Variants in CRYBG1 observed in about 807,000 individuals in gnomAD.
CRYBG1 encodes beta/gamma crystallin domain-containing protein 1.
In CRYBG1, 139 loss-of-function variants were observed where a neutral mutation model predicts 189.2. The ratio of observed to expected loss-of-function variants is 0.73; its 90% CI spans 0.64 to 0.85. The LOEUF (loss-of-function observed/expected upper bound fraction) is 0.85. Among genes scored for constraint, CRYBG1 ranks in the 40% least tolerant of loss-of-function variants. The probability of loss-of-function intolerance (pLI) is 0.00; values close to 1 mark genes in which losing one functional copy is unlikely to be tolerated. For synonymous variants in CRYBG1, 1,023 were observed against 1,017.1 expected (o/e 1.01, Z -0.11); for missense variants, 2,611 against 2,675.8 (o/e 0.98, Z 0.53).
intron 2 of CRYBG1, among the ~76,000 whole-genome samples, chr6:106,459,838 C>T (rs78805633): frequency 0.011 from 1,639 of 152,136 alleles, 26 homozygotes; most frequent in African/African-American, 0.037. Context: ...GTAATAGATA[C>T]TATCAAATTG....
intron 1 of CRYBG1, among the ~76,000 whole-genome samples, chr6:106,414,254 C>G (rs911978257): frequency 1.3e-5 from 2 of 152,238 alleles, no homozygotes; most frequent in South Asian, 4.1e-4. Flanking sequence ...CTGGAGAACT[C>G]CTCTGATGCT....
At position 106,399,290 on chromosome 6, in the gene CRYBG1, T is replaced by C. The variant is rs12662570; in HGVS notation, c.173+38209T>C. ...GTATAGTCAGTTTTTTCAAATTGCATAAAATAAATTTCAACTTTCCACCCT... is the reference window on the plus strand; with the variant it reads ...GTATAGTCAGTTTTTTCAAATTGCACAAAATAAATTTCAACTTTCCACCCT... On this transcript the variant is annotated intron_variant, in intron 1 of 21. Coordinates refer to ENST00000633556, the MANE Select transcript of CRYBG1 (RefSeq NM_001371242.2). Among the ~76,000 whole-genome samples the C allele has an allele frequency of 9.8e-4, 149 of 152,344 alleles. 2 individuals carry two copies. The East Asian group carries it at 0.025, about 25-fold the overall frequency.
chr6:106,385,066 G>A (rs150379113), intron 1 of CRYBG1, among the ~76,000 whole-genome samples: 423 of 152,244 alleles, frequency 2.8e-3, no homozygotes, highest in South Asian at 4.1e-3. Context: ...GGTTGAATAT[G>A]TCACACAAGT....
intron 1 of CRYBG1, among the ~76,000 whole-genome samples, chr6:106,384,959 C>T (rs990431110): frequency 2.0e-5 from 3 of 151,748 alleles, no homozygotes; most frequent in Non-Finnish European, 4.4e-5. Context: ...TCATCACTCC[C>T]ATAATTCCAG....
At chr6:106,549,262 C>G (rs756519095) in intron 13 of CRYBG1, among the ~76,000 whole-genome samples, 10 of 152,274 alleles carry the variant, frequency 6.6e-5, no homozygotes, top group Admixed American at 5.9e-4. Context: ...GCAGCACATG[C>G]GGGTACCCGT....
chr6:106,396,384 T>A (rs193289102), intron 1 of CRYBG1, among the ~76,000 whole-genome samples: 117 of 152,316 alleles, frequency 7.7e-4, no homozygotes, highest in Non-Finnish European at 1.3e-3. Context: ...ATAAACATCA[T>A]GAATTACAGT....
In CRYBG1 at chr6:106,520,534, C is replaced by A; in HGVS notation, c.3326C>A (p.Thr1109Asn). Residue 1109 changes from threonine (T) to asparagine (N), a missense_variant, in exon 4 of 22, where the codon ACT (threonine) becomes AAT (asparagine). By Grantham distance (65) the Thr-to-Asn change is moderately conservative. Around this residue, in one of 3 missense-constraint regions of CRYBG1, gnomAD observed 1,622 missense variants for 1,735.0 expected, o/e 0.93. Coordinates refer to ENST00000633556, the MANE Select transcript of CRYBG1 (RefSeq NM_001371242.2). ...TCTTCTTCTGATATGGAAAAATTCACTGAAATTATAAAACAGATGGATAGC... is the reference window on the plus strand; with the variant it reads ...TCTTCTTCTGATATGGAAAAATTCAATGAAATTATAAAACAGATGGATAGC... ...FDSSSDMEKFTEIIKQMDSAV... is the reference protein window; with the variant it reads ...FDSSSDMEKFNEIIKQMDSAV... 6.2e-7 allele frequency: 1 copy of A among 1,614,122 alleles called. No individual in the cohort carries two copies. Among genetic ancestry groups the A allele is most frequent in the South Asian group, 1.1e-5 (1 of 91,086 alleles).
intron 1 of CRYBG1, among the ~76,000 whole-genome samples, chr6:106,399,679 C>T (rs1417780766): frequency 7.3e-6 from 1 of 137,048 alleles, no homozygotes; most frequent in Non-Finnish European, 1.5e-5. Context: ...TTTCTTGAGA[C>T]AGGGTCTCAC....
At chr6:106,375,157 G>A (rs1233614913) in intron 1 of CRYBG1, among the ~76,000 whole-genome samples, 1 of 151,772 alleles carries the variant, frequency 6.6e-6, no homozygotes, top group East Asian at 1.9e-4. Context: ...GCTGAGGCAG[G>A]AGGATCACTT....
At chr6:106,406,436 C>A (rs80206105) in intron 1 of CRYBG1, among the ~76,000 whole-genome samples, 5 of 152,274 alleles carry the variant, frequency 3.3e-5, no homozygotes, top group Admixed American at 6.5e-5. Flanking sequence ...GAGAATGGAA[C>A]CAAGTTGGAA....
At chr6:106,392,860 C>T (rs1359340912) in intron 1 of CRYBG1, among the ~76,000 whole-genome samples, 6 of 152,008 alleles carry the variant, frequency 3.9e-5, no homozygotes, top group African/African-American at 1.2e-4. Flanking sequence ...CTGCAACCTC[C>T]GCCTTCTGGG....
intron 21 of CRYBG1, among the ~76,000 whole-genome samples, chr6:106,565,830 G>T (rs1018718168): frequency 6.6e-6 from 1 of 152,146 alleles, no homozygotes; most frequent in East Asian, 1.9e-4. Context: ...TAAGAATTAT[G>T]CAGATCTTTG....
At chr6:106,418,772 A>G (rs1771073315) in intron 1 of CRYBG1, among the ~76,000 whole-genome samples, 2 of 152,246 alleles carry the variant, frequency 1.3e-5, no homozygotes, top group Non-Finnish European at 2.9e-5. Context: ...ACATGGACAC[A>G]CATGTGGAAT....
chr6:106,386,281 A>G (rs1770388155), intron 1 of CRYBG1, among the ~76,000 whole-genome samples: 1 of 152,114 alleles, frequency 6.6e-6, no homozygotes, highest in African/African-American at 2.4e-5. Flanking sequence ...CTCCAGTGAC[A>G]TTTGTTTTTT....
At chr6:106,545,993 T>C (rs1221786051) in intron 13 of CRYBG1, among the ~76,000 whole-genome samples, 1 of 152,230 alleles carries the variant, frequency 6.6e-6, no homozygotes, top group African/African-American at 2.4e-5. Flanking sequence ...GCTCATTTCT[T>C]GCAGTGGAAA....
intron 1 of CRYBG1, among the ~76,000 whole-genome samples, chr6:106,408,237 A>G (rs1438068945): frequency 6.6e-5 from 10 of 152,256 alleles, no homozygotes; most frequent in Admixed American, 6.5e-4. Flanking sequence ...AGAGAATATT[A>G]GAAACACTGC....
intron 1 of CRYBG1, among the ~76,000 whole-genome samples, chr6:106,366,991 C>A (rs1772012803): frequency 6.6e-6 from 1 of 152,160 alleles, no homozygotes; most frequent in Non-Finnish European, 1.5e-5. Flanking sequence ...AAAAGGGAGA[C>A]CCTTCATGCG....
intron 2 of CRYBG1, among the ~76,000 whole-genome samples, chr6:106,505,622 GC>G (rs1773114885): frequency 6.6e-6 from 1 of 151,808 alleles, no homozygotes; most frequent in East Asian, 1.9e-4. Context: ...AGTCTTTCTT[GC>G]TTCTATTGAA....
chr6:106,529,312 G>A (rs939515564), intron 7 of CRYBG1, among the ~76,000 whole-genome samples: 1 of 152,136 alleles, frequency 6.6e-6, no homozygotes, highest in African/African-American at 2.4e-5. Flanking sequence ...ATGTTAAAGG[G>A]CTATGATATG....
Sources: gnomAD v4.1 joint callset for allele counts (sites outside exome capture counted in the v4.1 genomes callset) on GRCh38, gnomAD v4.1.1 for gene constraint, gnomAD v4.1.1 regional missense constraint, MANE v1.5 for transcripts, NCBI Gene and HGNC (gene_info 2026-07-23, HGNC 2026-07-21) for gene names.